The following ABCA12 variants were observed in gnomAD, a reference collection of about 807,000 sequenced individuals.
ABCA12 encodes the protein ATP binding cassette subfamily A member 12, also known as glucosylceramide transporter ABCA12.
In ABCA12, 156 loss-of-function variants were observed where a neutral mutation model predicts 293.5. That is an observed-to-expected ratio of 0.53 (90% CI 0.47 to 0.61). The LOEUF (loss-of-function observed/expected upper bound fraction) is 0.61, where lower values mean the gene tolerates loss of function less well. ABCA12 is among the 20% of genes least tolerant of loss of function. The pLI is 0.00. For missense variants in ABCA12, 2,797 were observed against 3,090.2 expected (o/e 0.91, Z 2.25); for synonymous variants, 1,063 against 1,108.0 (o/e 0.96, Z 0.81).
chr2:215,068,841 A>G (rs971107170), intron 2 of ABCA12, among the ~76,000 whole-genome samples: 5 of 152,068 alleles, frequency 3.3e-5, no homozygotes, highest in Non-Finnish European at 7.3e-5. Context: ...ATTTTGACTC[A>G]CTTCCGCAAT....
chr2:215,006,836 C>G (rs13387055), intron 19 of ABCA12, among the ~76,000 whole-genome samples: 9,451 of 149,760 alleles, frequency 0.063, 1,031 homozygotes, highest in African/African-American at 0.22. Context: ...CATTTCCCCA[C>G]ATTATTTGCA....
chr2:214,951,725 C>T (rs1414852904), intron 44 of ABCA12, among the ~76,000 whole-genome samples: 1 of 152,166 alleles, frequency 6.6e-6, no homozygotes, highest in Non-Finnish European at 1.5e-5. Flanking sequence ...CTACTGCACT[C>T]CAGCCTGGGC....
intron 2 of ABCA12, among the ~76,000 whole-genome samples, chr2:215,081,743 C>T (rs1226171949): frequency 1.3e-5 from 2 of 152,008 alleles, no homozygotes; most frequent in East Asian, 3.9e-4. Flanking sequence ...AATATATACA[C>T]ACACAATACA....
At chr2:214,972,080 C>T (rs1699397509) in intron 36 of ABCA12, among the ~76,000 whole-genome samples, 1 of 152,054 alleles carries the variant, frequency 6.6e-6, no homozygotes, top group African/African-American at 2.4e-5. Flanking sequence ...AATTTTTCTG[C>T]TGTGTTATTT....
intron 2 of ABCA12, among the ~76,000 whole-genome samples, chr2:215,073,123 A>G (rs2177418): frequency 1.3e-5 from 2 of 152,082 alleles, no homozygotes; most frequent in African/African-American, 2.4e-5. Context: ...GAAAAGAAAC[A>G]AGGAATGTTG....
rs2105925883 is a variant in ABCA12 at position 215,138,140 on chromosome 2, C to G, written c.69G>C (p.Pro23=). ...WKNWLGVKRQ[P]LWTLVLILWP... ...ACTCCCACACTTTTTTTTAACTCAC[C>G]GGCTGCCTTTTTACACCTAGCCAAT... Residue 23 remains proline, a splice_region_variant and synonymous_variant, in exon 1 of 53, where the codon CCG becomes CCC. Coordinates refer to ENST00000272895, the MANE Select transcript of ABCA12 (RefSeq NM_173076.3). 1.9e-6 allele frequency: 3 copies of G among 1,613,954 alleles called. No homozygotes were observed. The highest frequency in any genetic ancestry group is 1.7e-6 in the Non-Finnish European group (2 of 1,179,902).
At chr2:215,105,262 G>T (rs1702441062) in intron 2 of ABCA12, among the ~76,000 whole-genome samples, 1 of 152,120 alleles carries the variant, frequency 6.6e-6, no homozygotes, top group Non-Finnish European at 1.5e-5. Flanking sequence ...AAAATTGATT[G>T]GGGTTTGAGT....
Position 215,049,826 on chromosome 2 carries a change from G to GA in ABCA12, c.508-16dup. On this transcript the variant is annotated splice_polypyrimidine_tract_variant and intron_variant, in intron 5 of 52. Coordinates refer to ENST00000272895, the MANE Select transcript of ABCA12 (RefSeq NM_173076.3). ...TGCTTTAACAGCTAAAAGCATGTGT[G>GA]AAAAGAGTAAAATAAGAGTGTTAAT... The GA allele has an allele frequency of 6.2e-7, 1 of 1,600,860 alleles. No homozygotes were observed. The highest frequency in any genetic ancestry group is 1.1e-5 in the South Asian group (1 of 90,554).
chr2:214,967,092 G>A, intron 38 of ABCA12, 139 bp from the exon 39 acceptor site: 4 of 792,098 alleles, frequency 5.0e-6, no homozygotes, highest in Non-Finnish European at 8.4e-6. Flanking sequence ...GGAAGATTAT[G>A]CACTGTTCTC....
chr2:214,978,180 C>A, intron 33 of ABCA12, 136 bp downstream of exon 33: 2 of 1,011,628 alleles, frequency 2.0e-6, no homozygotes, highest in Non-Finnish European at 2.9e-6. Flanking sequence ...AAAAAGGAGG[C>A]TTAAATTTCC....
chr2:215,136,103 G>A (rs1703221347), intron 1 of ABCA12, among the ~76,000 whole-genome samples: 1 of 152,046 alleles, frequency 6.6e-6, no homozygotes, highest in African/African-American at 2.4e-5. Flanking sequence ...TATCTGTTCT[G>A]GTTTCCATTT....
At chr2:215,022,238 T>C (rs893550912) in intron 11 of ABCA12, 1 of 152,226 alleles carries the variant, frequency 6.6e-6, no homozygotes, top group African/African-American at 2.4e-5. Context: ...GGTGTACATA[T>C]GTGGGAAACC....
rs534303787 is a variant in ABCA12 at position 215,138,501 on chromosome 2, T to C, written c.-293A>G. 295 of 422,532 alleles carry C rather than the reference T, an allele frequency of 7.0e-4. No homozygotes were observed. The highest frequency in any genetic ancestry group is 1.1e-3 in the Non-Finnish European group (252 of 226,250). The allele number at this position is 422,532 out of a possible 1,614,324, so 26.2% of individuals were successfully genotyped here. ...TTTTAAAATAATATCCAGTTGCTGCTTGTTGCACGAAGTCCAGACTCAAGA... is the reference window on the plus strand; with the variant it reads ...TTTTAAAATAATATCCAGTTGCTGCCTGTTGCACGAAGTCCAGACTCAAGA... On this transcript the variant is annotated 5_prime_UTR_variant, in exon 1 of 53. Transcript: ENST00000272895.
intron 1 of ABCA12, among the ~76,000 whole-genome samples, chr2:215,135,637 G>C (rs1003254094): frequency 2.6e-5 from 4 of 152,082 alleles, no homozygotes; most frequent in Non-Finnish European, 5.9e-5. Flanking sequence ...TTATTTGATG[G>C]ATAACCAAGT....
chr2:214,938,329 G>A (rs983609387), intron 50 of ABCA12, among the ~76,000 whole-genome samples: 7 of 152,134 alleles, frequency 4.6e-5, no homozygotes, highest in African/African-American at 1.7e-4. Context: ...ATTCCATGGG[G>A]TATATGTGCC....
chr2:215,018,733 G>T (rs1232456339), intron 13 of ABCA12, among the ~76,000 whole-genome samples: 1 of 152,122 alleles, frequency 6.6e-6, no homozygotes, highest in Non-Finnish European at 1.5e-5. Context: ...GATTTTAGCA[G>T]ATTGTAATAA....
At chr2:215,067,065 T>TA (rs959569441) in intron 2 of ABCA12, among the ~76,000 whole-genome samples, 37 of 151,932 alleles carry the variant, frequency 2.4e-4, no homozygotes, top group African/African-American at 5.6e-4. Context: ...AGCTTTCTTG[T>TA]AAAAAAAATG....
chr2:214,933,117 G>A lies in ABCA12; in HGVS notation c.7681-376C>T, dbSNP rs1415719764. 2.6e-5 allele frequency among the ~76,000 whole-genome samples: 4 copies of A among 152,118 alleles called. 1 individual carries two copies. The highest frequency in any genetic ancestry group is 9.7e-5 in the African/African-American group (4 of 41,400). On this transcript the variant is annotated intron_variant, in intron 52 of 52. Transcript: ENST00000272895. ...GCCCAGCCCTGTGCCCTTATTGAAT[G>A]GTTGTGTAGAAATGTTGAGAGAAAT...
chr2:215,019,482 A>C (rs1700577153), intron 12 of ABCA12, 34 bp from the exon 13 acceptor site: 3 of 1,612,808 alleles, frequency 1.9e-6, no homozygotes. Flanking sequence ...AATTCAACTA[A>C]GTATTTCAAT....
Sources: allele counts gnomAD v4.1 joint callset (sites outside exome capture counted in the v4.1 genomes callset), GRCh38; gene constraint gnomAD v4.1.1; transcripts MANE v1.5; gene names NCBI Gene and HGNC (gene_info 2026-07-23, HGNC 2026-07-21).